ADAMTS17: variants seen among roughly 807,000 people sequenced by gnomAD.
ADAMTS17 encodes A disintegrin and metalloproteinase with thrombospondin motifs 17.
In ADAMTS17, 113 loss-of-function variants were observed where a neutral mutation model predicts 141.5. The observed-to-expected ratio is 0.80, with a 90% CI of 0.69 to 0.93. The LOEUF is 0.93. ADAMTS17 is among the 40% of genes least tolerant of loss of function. The pLI, the probability that ADAMTS17 is intolerant of heterozygous loss-of-function variation, is 0.00. For missense variants in ADAMTS17, 1,659 were observed against 1,517.9 expected, an observed-to-expected ratio of 1.09 and a Z score of -1.54; for synonymous variants, 768 against 630.6, an observed-to-expected ratio of 1.22 and a Z score of -3.27.
intron 6 of ADAMTS17, among the ~76,000 whole-genome samples, chr15:100,258,791 A>G (rs1247449494): frequency 6.6e-6 from 1 of 152,208 alleles, no homozygotes; most frequent in Non-Finnish European, 1.5e-5. Flanking sequence ...TTTACAGAAA[A>G]TATTTCCTTT....
intron 18 of ADAMTS17, among the ~76,000 whole-genome samples, chr15:100,041,083 G>A (rs2035343): frequency 0.65 from 99,300 of 152,064 alleles, 34,007 homozygotes; most frequent in Non-Finnish European, 0.77. Context: ...ATACATGCAC[G>A]CGTGCACACA....
At chr15:100,003,940 G>C (rs11630930) in intron 18 of ADAMTS17, among the ~76,000 whole-genome samples, 1 of 150,926 alleles carries the variant, frequency 6.6e-6, no homozygotes. Flanking sequence ...GTGTTTGGAT[G>C]GTGGTGATGG....
chr15:100,296,555 T>A (rs2044819845), intron 3 of ADAMTS17, among the ~76,000 whole-genome samples: 1 of 150,248 alleles, frequency 6.7e-6, no homozygotes, highest in South Asian at 2.1e-4. Context: ...AAATAAGGGT[T>A]TTTTGTTTGG....
intron 18 of ADAMTS17, among the ~76,000 whole-genome samples, chr15:100,027,123 CG>C (rs2061530587): frequency 6.6e-6 from 1 of 152,166 alleles, no homozygotes. Flanking sequence ...CTTTGTAAAA[CG>C]CACTTTGTCT....
intron 3 of ADAMTS17, among the ~76,000 whole-genome samples, chr15:100,295,916 A>G (rs2044792997): frequency 6.6e-6 from 1 of 152,196 alleles, no homozygotes; most frequent in Non-Finnish European, 1.5e-5. Context: ...AGGATATTGA[A>G]TATGTACTTC....
chr15:100,182,704 T>C (rs2040567042), intron 8 of ADAMTS17, among the ~76,000 whole-genome samples: 1 of 151,924 alleles, frequency 6.6e-6, no homozygotes. Context: ...TTGGTGTTAC[T>C]GTGGGGTGGT....
Position 100,288,515 on chromosome 15 carries a change from A to T in ADAMTS17, c.617-7114T>A, listed in dbSNP as rs77191279. On this transcript the variant is annotated intron_variant, in intron 3 of 21. Transcript: ENST00000268070. ...GTGAACTCAACACTTGACCAAATGG[A>T]TCTAACAGACAACTACAAAACTCTC... 4.4e-3 allele frequency among the ~76,000 whole-genome samples: 667 copies of T among 152,362 alleles called. 2 individuals carry two copies. Among genetic ancestry groups the T allele is most frequent in the Non-Finnish European group, 6.1e-3 (413 of 68,038 alleles).
chr15:100,104,661 G>C (rs2141068391), intron 14 of ADAMTS17, among the ~76,000 whole-genome samples: 1 of 152,324 alleles, frequency 6.6e-6, no homozygotes, highest in East Asian at 1.9e-4. Flanking sequence ...ATTTCTGTGA[G>C]TGCTGTCTCA....
At chr15:100,194,002 C>T (rs2041019553) in intron 8 of ADAMTS17, among the ~76,000 whole-genome samples, 1 of 152,228 alleles carries the variant, frequency 6.6e-6, no homozygotes, top group Non-Finnish European at 1.5e-5. Context: ...TGGTCTGGCT[C>T]AGGCTTATCT....
intron 14 of ADAMTS17, among the ~76,000 whole-genome samples, chr15:100,107,285 T>C (rs2036468946): frequency 6.6e-6 from 1 of 152,192 alleles, no homozygotes; most frequent in African/African-American, 2.4e-5. Context: ...GCAGATCTGC[T>C]GTCCGCATGG....
chr15:100,275,180 A>G (rs1040282941), intron 4 of ADAMTS17, among the ~76,000 whole-genome samples: 1 of 152,216 alleles, frequency 6.6e-6, no homozygotes, highest in African/African-American at 2.4e-5. Flanking sequence ...ACGTAAGCAG[A>G]GCATTCCTGA....
intron 16 of ADAMTS17, among the ~76,000 whole-genome samples, chr15:100,052,935 C>G (rs1307795432): frequency 1.3e-5 from 2 of 152,240 alleles, no homozygotes; most frequent in Non-Finnish European, 2.9e-5. Flanking sequence ...TGGGGGCCAG[C>G]GCTCCCCGGC....
intron 4 of ADAMTS17, among the ~76,000 whole-genome samples, chr15:100,274,171 G>A (rs1329138480): frequency 2.0e-5 from 3 of 152,164 alleles, no homozygotes; most frequent in Admixed American, 6.5e-5. Context: ...TGGGTAGAGT[G>A]TTCTGTGTAT....
At chr15:100,051,291 C>G (rs867999170) in intron 17 of ADAMTS17, among the ~76,000 whole-genome samples, 1 of 152,150 alleles carries the variant, frequency 6.6e-6, no homozygotes. Flanking sequence ...CTGTCACACC[C>G]GAGATGTAAT....
At chr15:100,267,786 A>C (rs2043770586) in intron 4 of ADAMTS17, among the ~76,000 whole-genome samples, 1 of 152,206 alleles carries the variant, frequency 6.6e-6, no homozygotes, top group South Asian at 2.1e-4. Context: ...GGGGTACATG[A>C]AATATTTTGA....
intron 18 of ADAMTS17, among the ~76,000 whole-genome samples, chr15:100,031,928 G>A (rs1189110916): frequency 6.6e-6 from 1 of 152,150 alleles, no homozygotes; most frequent in East Asian, 1.9e-4. Context: ...TGCCCTTACG[G>A]GGAAGAGGAA....
At chr15:100,300,927 G>A (rs2045009619) in intron 3 of ADAMTS17, among the ~76,000 whole-genome samples, 1 of 152,196 alleles carries the variant, frequency 6.6e-6, no homozygotes, top group African/African-American at 2.4e-5. Context: ...TTTCCTTGGA[G>A]CACTCACTAT....
rs530347722 is a variant in ADAMTS17, at chr15:100,184,036, TTGC to T, written c.1181+15279_1181+15281del. 9.6e-3 allele frequency among the ~76,000 whole-genome samples: 1,459 copies of T among 152,074 alleles called. 22 individuals are homozygous for T. The highest frequency in any genetic ancestry group is 0.032 in the African/African-American group (1,346 of 41,484). On this transcript the variant is annotated intron_variant, in intron 8 of 21. Transcript: ENST00000268070. ...GACAGCAGGGAGACAAGGGGTTTCA[TTGC>T]TGCTGCTGCTGCTGCTGGGAGCAGA...
At chr15:100,011,912 G>A (rs1596226242) in intron 18 of ADAMTS17, among the ~76,000 whole-genome samples, 1 of 152,236 alleles carries the variant, frequency 6.6e-6, no homozygotes, top group Admixed American at 6.5e-5. Context: ...ATACCCAGTG[G>A]TGGGATTGCT....
Sources: allele counts gnomAD v4.1 joint callset (sites outside exome capture counted in the v4.1 genomes callset), GRCh38; gene constraint gnomAD v4.1.1; transcripts MANE v1.5; gene names NCBI Gene and HGNC (gene_info 2026-07-23, HGNC 2026-07-21).